NEDD4L: variants seen among roughly 807,000 people sequenced by gnomAD.
NEDD4L encodes the protein NEDD4 like E3 ubiquitin protein ligase, also known as E3 ubiquitin-protein ligase NEDD4-like.
In NEDD4L, 54 loss-of-function variants were observed where a neutral mutation model predicts 148.9. That is an observed-to-expected ratio of 0.36 (90% CI 0.29 to 0.45). The LOEUF (loss-of-function observed/expected upper bound fraction) is 0.45. Among genes scored for constraint, NEDD4L ranks in the 20% least tolerant of loss-of-function variants. The probability of loss-of-function intolerance (pLI) is 1.00; values close to 1 mark genes in which losing one functional copy is unlikely to be tolerated. For synonymous variants in NEDD4L, 433 were observed against 440.7 expected (o/e 0.98, Z 0.22); for missense variants, 856 against 1,233.8 (o/e 0.69, Z 4.59).
chr18:58,286,551 T>C (rs1600715202), intron 5 of NEDD4L, among the ~76,000 whole-genome samples: 1 of 152,316 alleles, frequency 6.6e-6, no homozygotes, highest in Admixed American at 6.5e-5. Context: ...ATTATACTTA[T>C]CTAGTCTGCA....
chr18:58,173,806 C>G (rs970205844), intron 2 of NEDD4L, among the ~76,000 whole-genome samples: 2 of 152,214 alleles, frequency 1.3e-5, no homozygotes, highest in Non-Finnish European at 2.9e-5. Flanking sequence ...ATTACCTGAT[C>G]CATTATCTGA....
intron 2 of NEDD4L, among the ~76,000 whole-genome samples, chr18:58,213,526 G>T (rs1302287617): frequency 6.6e-6 from 1 of 152,226 alleles, no homozygotes; most frequent in African/African-American, 2.4e-5. Flanking sequence ...AAATGTGTGA[G>T]TGTGGAGAAC....
intron 1 of NEDD4L, among the ~76,000 whole-genome samples, chr18:58,135,125 C>A (rs1037896719): frequency 2.0e-4 from 31 of 152,048 alleles, no homozygotes; most frequent in African/African-American, 7.2e-4. Context: ...AAGGGCTGGC[C>A]GCCTTATTTG....
At chr18:58,220,962 A>G (rs1000290763) in intron 2 of NEDD4L, among the ~76,000 whole-genome samples, 1 of 152,206 alleles carries the variant, frequency 6.6e-6, no homozygotes, top group Non-Finnish European at 1.5e-5. Flanking sequence ...CTAAGGGCAC[A>G]CAACTGGGAT....
chr18:58,393,228 C>T (rs2050057554), intron 30 of NEDD4L, among the ~76,000 whole-genome samples: 1 of 152,188 alleles, frequency 6.6e-6, no homozygotes, highest in South Asian at 2.1e-4. Context: ...GATTCTGCCA[C>T]AAGTAGAACT....
chr18:58,134,805 G>A (rs1057406742), intron 1 of NEDD4L, among the ~76,000 whole-genome samples: 4 of 149,042 alleles, frequency 2.7e-5, no homozygotes, highest in African/African-American at 1.0e-4. Flanking sequence ...GGGAACCTGA[G>A]GCGAATGAAG....
chr18:58,323,819 C>T (rs1306521317), intron 8 of NEDD4L, among the ~76,000 whole-genome samples: 1 of 152,184 alleles, frequency 6.6e-6, no homozygotes, highest in Non-Finnish European at 1.5e-5. Context: ...AGAGGAATGT[C>T]CCTTTTTTCC....
In NEDD4L at chr18:58,241,771, A is replaced by G. The variant is rs1019745132; in HGVS notation, c.123-3656A>G. On this transcript the variant is annotated intron_variant, in intron 2 of 30. Coordinates refer to ENST00000400345, the MANE Select transcript of NEDD4L (RefSeq NM_001144967.3). ...TCTCTTTTCTTGGCATATAGTAGGCACTCAGGAAATAGAAGGTTGCTTGAA... is the reference window on the plus strand; with the variant it reads ...TCTCTTTTCTTGGCATATAGTAGGCGCTCAGGAAATAGAAGGTTGCTTGAA... 2.2e-4 allele frequency among the ~76,000 whole-genome samples: 34 copies of G among 151,982 alleles called. 1 individual carries two copies. Among genetic ancestry groups the G allele is most frequent in the African/African-American group, 6.8e-4 (28 of 41,268 alleles).
intron 2 of NEDD4L, among the ~76,000 whole-genome samples, chr18:58,177,185 C>A (rs781070246): frequency 6.6e-6 from 1 of 152,022 alleles, no homozygotes. Context: ...TGTGCCCCCA[C>A]GCCCGTGCCC....
chr18:58,237,219 C>T (rs536899051), intron 2 of NEDD4L, among the ~76,000 whole-genome samples: 3 of 152,106 alleles, frequency 2.0e-5, no homozygotes, highest in Admixed American at 6.6e-5. Context: ...ACCTCTATTC[C>T]CCGCCCCCCA....
intron 2 of NEDD4L, among the ~76,000 whole-genome samples, chr18:58,196,706 CTCTCTTTTT>C (rs1369997176): frequency 4.4e-5 from 6 of 134,852 alleles, no homozygotes; most frequent in African/African-American, 1.7e-4. Flanking sequence ...TGTTCTCTCT[CTCTCTTTTT>C]TTTTTTTTTT....
intron 2 of NEDD4L, among the ~76,000 whole-genome samples, chr18:58,183,598 G>T (rs1479014392): frequency 1.3e-5 from 2 of 152,182 alleles, no homozygotes; most frequent in African/African-American, 4.8e-5. Flanking sequence ...TTTTCATGTT[G>T]CATCTTACCG....
chr18:58,181,916 C>A (rs935943937), intron 2 of NEDD4L, among the ~76,000 whole-genome samples: 2 of 152,108 alleles, frequency 1.3e-5, no homozygotes, highest in Non-Finnish European at 2.9e-5. Context: ...TCAGAAGAGG[C>A]TAGAGAGGTC....
At chr18:58,161,223 T>C (rs2036164986) in intron 1 of NEDD4L, among the ~76,000 whole-genome samples, 2 of 151,896 alleles carry the variant, frequency 1.3e-5, no homozygotes, top group African/African-American at 2.4e-5. Context: ...AGAGACAGGG[T>C]TTTCACCATG....
At chr18:58,213,094 G>A (rs2042763910) in intron 2 of NEDD4L, among the ~76,000 whole-genome samples, 2 of 152,314 alleles carry the variant, frequency 1.3e-5, no homozygotes, top group African/African-American at 4.8e-5. Flanking sequence ...GGCTGTAATA[G>A]AAGTGGCAAG....
At chr18:58,309,962 T>G (rs1334025233) in intron 5 of NEDD4L, among the ~76,000 whole-genome samples, 1 of 152,224 alleles carries the variant, frequency 6.6e-6, no homozygotes, top group African/African-American at 2.4e-5. Context: ...AAAGCCAGGC[T>G]GCTATTGCAG....
chr18:58,256,857 C>T lies in NEDD4L; in HGVS notation c.297+4803C>T, dbSNP rs1161123865. 5 of 1,167,736 alleles carry T rather than the reference C, an allele frequency of 4.3e-6. No homozygotes were observed. Among genetic ancestry groups the T allele is most frequent in the African/African-American group, 1.6e-5 (1 of 63,116 alleles). The allele number at this position is 1,167,736 out of a possible 1,614,324, so 72.3% of individuals were successfully genotyped here. ...CGGCGTAACCAAAATAAAACCTCAC[C>T]CTCTGTTCCGGGAGTTTCCCTGCTT... On this transcript the variant is annotated intron_variant, in intron 5 of 30. Coordinates refer to ENST00000400345, the MANE Select transcript of NEDD4L (RefSeq NM_001144967.3). This position sits in a 1 kb window ranked among gnomAD's most constrained non-coding sequence, Gnocchi z 5.2.
At chr18:58,320,972 A>G (rs2149466537) in intron 6 of NEDD4L, among the ~76,000 whole-genome samples, 1 of 152,368 alleles carries the variant, frequency 6.6e-6, no homozygotes, top group East Asian at 1.9e-4. Context: ...TCATAAGAAC[A>G]GTCTAGAAAA....
At chr18:58,383,106 C>G in intron 24 of NEDD4L, 140 bp from the exon 25 acceptor site, 1 of 573,266 alleles carries the variant, frequency 1.7e-6, no homozygotes, top group Non-Finnish European at 3.1e-6. Context: ...ATTGGACATT[C>G]TCTTGTGCAC....
Sources: allele counts gnomAD v4.1 joint callset (sites outside exome capture counted in the v4.1 genomes callset), GRCh38; gene constraint gnomAD v4.1.1; non-coding constraint Gnocchi (gnomAD v3.1); transcripts MANE v1.5; gene names NCBI Gene and HGNC (gene_info 2026-07-23, HGNC 2026-07-21).